Variants in AXIN2 observed in about 807,000 individuals in gnomAD.
The protein encoded by AXIN2 is axin-2.
A neutral mutation model predicts 74.7 loss-of-function variants in AXIN2; 21 were observed. That is an observed-to-expected ratio of 0.28 (90% CI 0.20 to 0.40). The LOEUF (loss-of-function observed/expected upper bound fraction) is 0.40, where lower values mean the gene tolerates loss of function less well. AXIN2 is among the 10% of genes least tolerant of loss of function. AXIN2 has a pLI of 1.00. For synonymous variants in AXIN2, 532 were observed against 454.9 expected, an observed-to-expected ratio of 1.17 and a Z score of -2.16; for missense variants, 1,144 against 1,111.1, an observed-to-expected ratio of 1.03 and a Z score of -0.42.
At position 65,529,902 on chromosome 17, in the gene AXIN2, C is replaced by T. The variant is rs62063439; in HGVS notation, c.*74G>A. 186 of 1,609,042 alleles carry T rather than the reference C, an allele frequency of 1.2e-4. No homozygotes were observed. The highest frequency in any genetic ancestry group is 3.6e-4 in the Middle Eastern group (2 of 5,502). On this transcript the variant is annotated 3_prime_UTR_variant, in exon 11 of 11. Coordinates refer to ENST00000307078, the MANE Select transcript of AXIN2 (RefSeq NM_004655.4). Reference sequence around the variant, plus strand: ...TTAATTTTCCTTCAAAATGTTTTGTCGCAGTTGCTCACAGCCAAGACAGTT... The same window carrying T: ...TTAATTTTCCTTCAAAATGTTTTGTTGCAGTTGCTCACAGCCAAGACAGTT...
At chr17:65,534,153 GCA>G in intron 9 of AXIN2, 74 bp from the exon 10 acceptor site, 1 of 1,542,284 alleles carries the variant, frequency 6.5e-7, no homozygotes, top group Non-Finnish European at 9.0e-7. Context: ...ACACACGTGC[GCA>G]CATGTGCATA....
In AXIN2 at chr17:65,549,640, G is replaced by A. The variant is rs768915721; in HGVS notation, c.836C>T (p.Pro279Leu). 5 of 1,602,578 alleles carry A rather than the reference G, an allele frequency of 3.1e-6. No homozygotes were observed. The South Asian group carries it at 4.5e-5, about 14-fold the overall frequency. The change falls in exon 3 of 11, where the codon CCT (proline) becomes CTT (leucine). Residue 279 changes from proline (P) to leucine (L), a missense_variant. Physicochemically the swap from Pro to Leu is moderately conservative, Grantham distance 98 (BLOSUM62 -3). Coordinates refer to ENST00000307078, the MANE Select transcript of AXIN2 (RefSeq NM_004655.4). Reference protein sequence around the residue: ...SGYRSFKRSDPVNPYHIGSGY... With the variant: ...SGYRSFKRSDLVNPYHIGSGY... ...AGAACCTATGTGATAAGGATTAACAGGATCGCTCCTCTTGAAGGACCTATG... is the reference window on the plus strand; with the variant it reads ...AGAACCTATGTGATAAGGATTAACAAGATCGCTCCTCTTGAAGGACCTATG...
chr17:65,549,784 G>T, intron 2 of AXIN2, 124 bp from the exon 3 acceptor site: 1 of 1,271,896 alleles, frequency 7.9e-7, no homozygotes, highest in Non-Finnish European at 1.1e-6. Context: ...TGCTGCCCAG[G>T]TCCAGTTGCT....
chr17:65,536,618 G>A (rs879142564), intron 7 of AXIN2, 65 bp from the exon 8 acceptor site: 8 of 1,566,882 alleles, frequency 5.1e-6, no homozygotes, highest in Non-Finnish European at 7.0e-6. Context: ...ACTGGAAAAT[G>A]TGACTTCAAT....
rs763146338 is a variant in AXIN2 at position 65,537,365 on chromosome 17, G to A, written c.1671C>T (p.Ser557=). ...GCATGGTTTCCGGAGCCTTGGAGTG[G>A]CTTTTGCATTTCGAGTAGCAGTAAT... ...SEYYCYSKCK[S]HSKAPETMPS... is the part of the protein sequence containing the mutation. The change falls in exon 6 of 11, where the codon AGC becomes AGT. Residue 557 remains serine, a synonymous_variant. Coordinates refer to ENST00000307078, the MANE Select transcript of AXIN2 (RefSeq NM_004655.4). The A allele has an allele frequency of 1.2e-5, 20 of 1,614,022 alleles. No homozygotes were observed. In the Admixed American group the frequency reaches 2.3e-4, roughly 19 times the overall value.
Position 65,558,059 on chromosome 17 carries a change from G to A in AXIN2, c.562C>T (p.Gln188Ter). The A allele has an allele frequency of 6.2e-7, 1 of 1,613,968 alleles. No homozygotes were observed. Among genetic ancestry groups the A allele is most frequent in the Non-Finnish European group, 8.5e-7 (1 of 1,180,018 alleles). ...TATATATCAGAAGTCAAAAACATCT[G>A]GTAGGCATTTTCCTCCATCACCGAC... ...IQSVMEENAY[Q>*]MFLTSDIYLE... The change falls in exon 2 of 11, where the codon CAG (glutamine) becomes TAG (stop). Residue 188 changes from glutamine (Q) to a stop codon, truncating the protein, a stop_gained. Coordinates refer to ENST00000307078, the MANE Select transcript of AXIN2 (RefSeq NM_004655.4). LOFTEE classifies it high-confidence loss of function.
chr17:65,531,896 C>T (rs60986947), intron 10 of AXIN2, among the ~76,000 whole-genome samples: 14,683 of 152,144 alleles, frequency 0.097, 817 homozygotes, highest in East Asian at 0.26. Context: ...CACCTCCCAC[C>T]CCTGCTCCAC....
intron 2 of AXIN2, among the ~76,000 whole-genome samples, chr17:65,551,610 T>C (rs919758920): frequency 3.3e-5 from 5 of 152,230 alleles, no homozygotes; most frequent in Admixed American, 6.5e-5. Flanking sequence ...TGTGAGGGTC[T>C]GTCTCAACAG....
intron 3 of AXIN2, among the ~76,000 whole-genome samples, chr17:65,547,289 A>G (rs933771637): frequency 3.9e-5 from 6 of 152,224 alleles, no homozygotes; most frequent in African/African-American, 1.4e-4. Context: ...AAAGTGGCTC[A>G]AAGGTCTCAT....
chr17:65,533,841 G>A (rs2043863348), intron 10 of AXIN2, 71 bp downstream of exon 10: 1 of 1,515,886 alleles, frequency 6.6e-7, no homozygotes, highest in Non-Finnish European at 9.0e-7. Flanking sequence ...AGCCAGGGGA[G>A]CTGCTCCAGG....
intron 2 of AXIN2, among the ~76,000 whole-genome samples, chr17:65,553,997 C>T (rs1450669682): frequency 6.6e-6 from 1 of 152,178 alleles, no homozygotes; most frequent in Non-Finnish European, 1.5e-5. Context: ...ATCAGCCTCA[C>T]ATCCACAGAC....
Position 65,558,694 on chromosome 17 carries a change from T to C in AXIN2, c.-74A>G. The C allele has an allele frequency of 2.1e-6, 3 of 1,454,714 alleles. No individual in the cohort carries two copies. Among genetic ancestry groups the C allele is most frequent in the South Asian group, 2.4e-5 (2 of 82,994 alleles). The allele number at this position is 1,454,714 out of a possible 1,614,324, so 90.1% of individuals were successfully genotyped here. A position where few individuals can be genotyped will look rare whatever the true frequency, so the allele number is the denominator to read the frequency against. The stretch of plus-strand genomic sequence containing the variant: ...TCCTCTCAGCAATCGGCGTGGTCTC[T>C]CTGTCTCTCTCAAGTCAGCAGGGGC... On this transcript the variant is annotated 5_prime_UTR_variant, in exon 2 of 11. Transcript: ENST00000307078.
chr17:65,537,195 C>T, intron 6 of AXIN2, 129 bp downstream of exon 6: 1 of 1,542,866 alleles, frequency 6.5e-7, no homozygotes, highest in Non-Finnish European at 8.9e-7. Flanking sequence ...CGCACCCTCA[C>T]CCGGCCGTGC....
intron 2 of AXIN2, among the ~76,000 whole-genome samples, chr17:65,554,366 G>C (rs541361993): frequency 6.6e-6 from 1 of 152,326 alleles, no homozygotes; most frequent in East Asian, 1.9e-4. Flanking sequence ...TTACTCACAA[G>C]GTCACTGCCC....
intron 7 of AXIN2, 134 bp from the exon 8 acceptor site, chr17:65,536,687 C>G (rs1034578646): frequency 6.5e-5 from 89 of 1,378,558 alleles, no homozygotes; most frequent in Non-Finnish European, 8.7e-5. Flanking sequence ...ATAACATGAA[C>G]AGGGGTCAGT....
chr17:65,541,119 C>G (rs1217389558), intron 4 of AXIN2, among the ~76,000 whole-genome samples: 3 of 152,184 alleles, frequency 2.0e-5, no homozygotes, highest in Admixed American at 6.5e-5. Context: ...CTCAGGTGAT[C>G]TGCCCACCTC....
intron 3 of AXIN2, among the ~76,000 whole-genome samples, chr17:65,547,022 G>GT (rs2044128306): frequency 1.3e-5 from 2 of 152,156 alleles, no homozygotes; most frequent in African/African-American, 4.8e-5. Flanking sequence ...ACTGGCAAAG[G>GT]TAACCTTTCT....
rs753407346 is a variant in AXIN2 at position 65,537,393 on chromosome 17, T to C, written c.1643A>G (p.Glu548Gly). The stretch of plus-strand genomic sequence containing the variant: ...TTTGCATTTCGAGTAGCAGTAATAC[T>C]CGCTGCCCCCAGGGCAGAAGCAGTG... ...RVHCFCPGGS[E>G]YYCYSKCKSH... Residue 548 changes from glutamate to glycine, a missense_variant, in exon 6 of 11, where the codon GAG becomes GGG. Around this residue, in one of 4 missense-constraint regions of AXIN2, gnomAD observed 1,053 missense variants for 973.5 expected, o/e 1.08. Transcript: ENST00000307078. The C allele has an allele frequency of 1.2e-6, 2 of 1,613,940 alleles. No homozygotes were observed. The highest frequency in any genetic ancestry group is 4.5e-5 in the East Asian group (2 of 44,798).
rs756178538 is a variant in AXIN2 at position 65,534,043 on chromosome 17, C to T, written c.2274G>A (p.Ala758=). The T allele has an allele frequency of 9.3e-6, 15 of 1,614,094 alleles. No homozygotes were observed. Among genetic ancestry groups the T allele is most frequent in the Middle Eastern group, 1.6e-4 (1 of 6,084 alleles). The stretch of plus-strand genomic sequence containing the variant: ...TGACAACCAACTCACTGGCCTGGAG[C>T]GCGTGGACACCTGCCAGTTTCTTTG... The part of the protein sequence containing the change: ...KEPKKLAGVH[A]LQASELVVTY... The change falls in exon 10 of 11, where the codon GCG becomes GCA. Residue 758 remains alanine, a synonymous_variant. Transcript: ENST00000307078.
Sources: allele counts gnomAD v4.1 joint callset (sites outside exome capture counted in the v4.1 genomes callset), GRCh38; gene constraint gnomAD v4.1.1; regional missense constraint gnomAD v4.1.1; transcripts MANE v1.5; gene names NCBI Gene and HGNC (gene_info 2026-07-23, HGNC 2026-07-21).